Variants in STRN4 observed in about 807,000 individuals in gnomAD.
STRN4 encodes the protein striatin 4.
In STRN4, 27 loss-of-function variants were observed where a neutral mutation model predicts 77.9. The ratio of observed to expected loss-of-function variants is 0.35; its 90% CI spans 0.26 to 0.48. The LOEUF is 0.48. Ranked by LOEUF, STRN4 falls within the 20% of genes least tolerant of loss-of-function variation. STRN4 has a pLI of 0.99. For synonymous variants in STRN4, 466 were observed against 443.1 expected (o/e 1.05, Z -0.65); for missense variants, 798 against 1,049.7 (o/e 0.76, Z 3.31).
At chr19:46,736,681 A>G in intron 4 of STRN4, 142 bp downstream of exon 4, 1 of 920,998 alleles carries the variant, frequency 1.1e-6, no homozygotes, top group Non-Finnish European at 1.6e-6. Flanking sequence ...CACAGGGTGA[A>G]AGCCATTCCA....
In STRN4 at chr19:46,720,730, T is replaced by G; in HGVS notation, c.2134A>C (p.Thr712Pro). ...TGGGCCGTGATCTCCTGCACGCACG[T>G]TTTGTTGTCCAGGCTCCAGAGACGC... ...SLRLWSLDNK[T>P]CVQEITAHRK... Residue 712 changes from threonine (T) to proline (P), a missense_variant, in exon 17 of 18, where the codon ACG becomes CCG. This residue lies in a region of STRN4 where 287 missense variants were observed against 473.8 expected (regional missense o/e 0.61). Transcript: ENST00000263280. The G allele has an allele frequency of 6.2e-7, 1 of 1,606,512 alleles. No individual in the cohort carries two copies.
intron 14 of STRN4, 115 bp downstream of exon 14, chr19:46,722,695 G>A (rs1423382162): frequency 6.8e-7 from 1 of 1,469,830 alleles, no homozygotes. Flanking sequence ...CTCAGGGCCT[G>A]AGGGTGCAGG....
Position 46,733,563 on chromosome 19 carries a change from AGAGCCTTAAG to A in STRN4, c.540-337_540-328del. 3.3e-6 allele frequency: 1 copy of A among 299,888 alleles called. No homozygotes were observed. Among genetic ancestry groups the A allele is most frequent in the East Asian group, 7.0e-5 (1 of 14,254 alleles). The allele number at this position is 299,888 out of a possible 1,614,324, so 18.6% of individuals were successfully genotyped here. On this transcript the variant is annotated intron_variant, in intron 4 of 17. Coordinates refer to ENST00000263280, the MANE Select transcript of STRN4 (RefSeq NM_013403.3). This position sits in a 1 kb window ranked among gnomAD's most constrained non-coding sequence, Gnocchi z 4.3. The stretch of plus-strand genomic sequence containing the variant: ...CTGCAAGGCAGAAGATCAACAGGGC[AGAGCCTTAAG>A]GGAAGCTGGCCACGGTAAACAGCAG...
At position 46,746,276 on chromosome 19, in the gene STRN4, C is replaced by A. The variant is rs2054609788; in HGVS notation, c.155G>T (p.Gly52Val). The change falls in exon 1 of 18, where the codon GGC becomes GTC. Residue 52 changes from glycine to valine, a missense_variant. By Grantham distance (109) the Gly-to-Val change is moderately radical. Transcript: ENST00000263280. ...CGGGCCCGCCGTGGGCCCGGGGCTG[C>A]CTCCGCCGCCGCCTCCCTTACCTGC... ...GPAGKGGGGG[G>V]SPGPTAGPEP... is the part of the protein sequence containing the mutation. The A allele has an allele frequency of 2.1e-6, 3 of 1,456,468 alleles. No homozygotes were observed. The highest frequency in any genetic ancestry group is 2.4e-5 in the Admixed American group (1 of 41,034). 90.2% of individuals were successfully genotyped at this position (1,456,468 alleles called of 1,614,324 possible).
chr19:46,724,231 G>C (rs2054048512), intron 12 of STRN4, among the ~76,000 whole-genome samples: 1 of 127,036 alleles, frequency 7.9e-6, no homozygotes, highest in South Asian at 2.6e-4. Context: ...CTGGGTGACA[G>C]AGTGAGACTC....
At chr19:46,721,573 A>C (rs906790298) in intron 16 of STRN4, 2 of 208,942 alleles carry the variant, frequency 9.6e-6, no homozygotes, top group African/African-American at 4.6e-5. Context: ...GTCACACTCC[A>C]TCCCTTCTAA....
intron 7 of STRN4, 184 bp from the exon 8 acceptor site, chr19:46,728,191 C>A (rs1042785771): frequency 1.7e-5 from 12 of 709,882 alleles, no homozygotes; most frequent in Admixed American, 4.0e-5. Flanking sequence ...GGGCAGTGGG[C>A]AGGTCACTGC....
chr19:46,734,593 A>T (rs1049860849), intron 4 of STRN4, among the ~76,000 whole-genome samples: 7 of 152,294 alleles, frequency 4.6e-5, no homozygotes, highest in Admixed American at 3.3e-4. Flanking sequence ...CCTCCATAGG[A>T]CCAAAGGAAG....
At chr19:46,724,661 G>T in intron 12 of STRN4, 146 bp downstream of exon 12, 1 of 1,277,704 alleles carries the variant, frequency 7.8e-7, no homozygotes, top group Non-Finnish European at 1.1e-6. Flanking sequence ...GCATCGCGCT[G>T]CTCACAACAG....
chr19:46,725,789 G>T, intron 9 of STRN4, 141 bp from the exon 10 acceptor site: 1 of 1,083,608 alleles, frequency 9.2e-7, no homozygotes, highest in Non-Finnish European at 1.3e-6. Context: ...GCTCCAGCCG[G>T]GAACTCTCCC....
intron 1 of STRN4, among the ~76,000 whole-genome samples, chr19:46,739,105 C>T (rs1046787399): frequency 1.2e-4 from 19 of 152,202 alleles, no homozygotes; most frequent in African/African-American, 3.9e-4. Context: ...TCACCCACAA[C>T]GAGGGCCGAA....
chr19:46,746,107 C>T, intron 1 of STRN4, 42 bp downstream of exon 1: 2 of 1,406,786 alleles, frequency 1.4e-6, no homozygotes, highest in East Asian at 3.3e-5. Context: ...CCGGGCCGGG[C>T]CGGGCCGGGT....
Position 46,746,359 on chromosome 19 carries a change from C to T in STRN4, c.72G>A (p.Ala24=). The T allele has an allele frequency of 8.5e-7, 1 of 1,173,440 alleles. No homozygotes were observed. The highest frequency in any genetic ancestry group is 1.1e-6 in the Non-Finnish European group (1 of 951,858). 72.7% of individuals were successfully genotyped at this position (1,173,440 alleles called of 1,614,324 possible). ...ASSCRPLGSG[A]GPGPTGAAPV... ...GGGCCGCCCCAGTGGGGCCAGGGCC[C>T]GCGCCTGAGCCGAGCGGACGGCAGG... The change falls in exon 1 of 18, where the codon GCG becomes GCA. Residue 24 remains alanine (A), a synonymous_variant. Transcript: ENST00000263280.
chr19:46,727,506 G>A lies in STRN4; in HGVS notation c.1194C>T (p.Ser398=), dbSNP rs1333652225. ...CGGTGAGATCTGCCAAGTCCCCCAG[G>A]CTCACCTCCCCGCCCCCGATAGTGT... is the stretch of plus-strand genomic sequence containing the variant. ...IMDTIGGGEV[S]LGDLADLTVT... The change falls in exon 9 of 18, where the codon AGC becomes AGT. Residue 398 remains serine (S), a synonymous_variant. Transcript: ENST00000263280. The A allele has an allele frequency of 6.2e-7, 1 of 1,613,852 alleles. No homozygotes were observed. Among genetic ancestry groups the A allele is most frequent in the Non-Finnish European group, 8.5e-7 (1 of 1,179,960 alleles).
intron 4 of STRN4, chr19:46,736,266 A>C (rs2054360706): frequency 1.3e-5 from 2 of 152,124 alleles, no homozygotes; most frequent in South Asian, 2.1e-4. Context: ...AACGGAGCAG[A>C]AACTGTCTCA....
In STRN4 at chr19:46,746,349, G is replaced by T; in HGVS notation, c.82C>A (p.Pro28Thr). Residue 28 changes from proline (P) to threonine (T), a missense_variant, in exon 1 of 18, where the codon CCC (proline) becomes ACC (threonine). Transcript: ENST00000263280. ...GCGGAGACCGGGGCCGCCCCAGTGG[G>T]GCCAGGGCCCGCGCCTGAGCCGAGC... Reference protein sequence around the residue: ...RPLGSGAGPGPTGAAPVSAPA... With the variant: ...RPLGSGAGPGTTGAAPVSAPA... 1 of 1,232,574 alleles carries T rather than the reference G, an allele frequency of 8.1e-7. No homozygotes were observed. Among genetic ancestry groups the T allele is most frequent in the Non-Finnish European group, 1.0e-6 (1 of 990,944 alleles). 76.4% of individuals were successfully genotyped at this position (1,232,574 alleles called of 1,614,324 possible).
chr19:46,742,956 T>G lies in STRN4; in HGVS notation c.282+3193A>C, dbSNP rs546005646. 2.6e-5 allele frequency among the ~76,000 whole-genome samples: 4 copies of G among 152,348 alleles called. No homozygotes were observed. In the South Asian group the frequency reaches 8.3e-4, roughly 32 times the overall value. On this transcript the variant is annotated intron_variant, in intron 1 of 17. Transcript: ENST00000263280. ...ATAAGGGGTTCTCACTGCAGCCATG[T>G]CTGATGGGGGAAAAACTAGAAAAAA...
chr19:46,726,936 A>G (rs1414306589), intron 9 of STRN4, among the ~76,000 whole-genome samples: 1 of 150,980 alleles, frequency 6.6e-6, no homozygotes, highest in African/African-American at 2.4e-5. Flanking sequence ...CTCTGCTCTG[A>G]CCCCCCTTCC....
In STRN4 at chr19:46,724,809, T is replaced by C; in HGVS notation, c.1592A>G (p.Tyr531Cys). Residue 531 changes from tyrosine to cysteine, a missense_variant and splice_region_variant, in exon 12 of 18, where the codon TAC becomes TGC. Coordinates refer to ENST00000263280, the MANE Select transcript of STRN4 (RefSeq NM_013403.3). Reference sequence around the variant, plus strand: ...AAGGCGGGAGGCGTTGTCCTCACCGTAGCCATCATAGGGATCCATGCTGAG... The same window carrying C: ...AAGGCGGGAGGCGTTGTCCTCACCGCAGCCATCATAGGGATCCATGCTGAG... ...PDLSMDPYDG[Y>C]DPSVLSHVLE... 6.2e-7 allele frequency: 1 copy of C among 1,613,914 alleles called. No individual in the cohort carries two copies. The highest frequency in any genetic ancestry group is 8.5e-7 in the Non-Finnish European group (1 of 1,179,998).
Sources: gnomAD v4.1 joint callset for allele counts (sites outside exome capture counted in the v4.1 genomes callset) on GRCh38, gnomAD v4.1.1 for gene constraint, gnomAD v4.1.1 regional missense constraint, Gnocchi (gnomAD v3.1) non-coding constraint, MANE v1.5 for transcripts, NCBI Gene and HGNC (gene_info 2026-07-23, HGNC 2026-07-21) for gene names.